XKR5: variants seen among roughly 807,000 people sequenced by gnomAD.
XKR5 encodes the protein XK-related protein 5.
Under a neutral mutation model 40.8 loss-of-function variants are expected in XKR5, and 46 were observed. The ratio of observed to expected loss-of-function variants is 1.13; its 90% CI spans 0.89 to 1.44. The LOEUF (loss-of-function observed/expected upper bound fraction) is 1.44, where lower values mean the gene tolerates loss of function less well. Among genes scored for constraint, XKR5 ranks in the 40% most tolerant of loss-of-function variants. The pLI, the probability that XKR5 is intolerant of heterozygous loss-of-function variation, is 0.00. For missense variants in XKR5, 1,169 were observed against 844.7 expected, an observed-to-expected ratio of 1.38 and a Z score of -4.76; for synonymous variants, 466 against 356.1, an observed-to-expected ratio of 1.31 and a Z score of -3.48.
chr8:6,834,726 G>GAAGAGGGCGGAGACGCTCCTCCCGGCAC (rs1804932173), intron 1 of XKR5, among the ~76,000 whole-genome samples: 1 of 152,144 alleles, frequency 6.6e-6, no homozygotes, highest in African/African-American at 2.4e-5. Context: ...GAGCCCGGCG[G>GAAGAGGGCGGAGACGCTCCTCCCGGCAC]AAGTGGGCGG....
In XKR5 at chr8:6,811,171, T is replaced by A; in HGVS notation, c.*27A>T. The A allele has an allele frequency of 6.6e-7, 1 of 1,511,124 alleles. No homozygotes were observed. Among genetic ancestry groups the A allele is most frequent in the African/African-American group, 1.4e-5 (1 of 72,466 alleles). The allele number at this position is 1,511,124 out of a possible 1,614,324, so 93.6% of individuals were successfully genotyped here. ...AAATGGCCAGCTTGGTTTGTCAGCC[T>A]GTTGTCTTATCCCACCATGACTGTG... On this transcript the variant is annotated 3_prime_UTR_variant, in exon 7 of 7. Transcript: ENST00000618742.
At chr8:6,816,741 A>G (rs970370682) in intron 5 of XKR5, among the ~76,000 whole-genome samples, 1 of 147,556 alleles carries the variant, frequency 6.8e-6, no homozygotes, top group Admixed American at 6.8e-5. Flanking sequence ...ATATTTTAAT[A>G]TATTTAATAT....
chr8:6,817,657 G>A (rs1232309559), intron 5 of XKR5, among the ~76,000 whole-genome samples: 3 of 152,210 alleles, frequency 2.0e-5, no homozygotes, highest in Non-Finnish European at 4.4e-5. Context: ...AAAACTTGGT[G>A]CTGGGTGGAT....
chr8:6,834,822 C>G (rs1473921006), intron 1 of XKR5, among the ~76,000 whole-genome samples: 1 of 151,986 alleles, frequency 6.6e-6, no homozygotes, highest in Non-Finnish European at 1.5e-5. Flanking sequence ...CCGCGGCTGG[C>G]GGGCTCTGGG....
intron 5 of XKR5, among the ~76,000 whole-genome samples, chr8:6,820,166 C>T (rs1329583321): frequency 6.6e-6 from 1 of 152,238 alleles, no homozygotes; most frequent in Non-Finnish European, 1.5e-5. Flanking sequence ...AGGCCTAAAG[C>T]CCATGTTCCC....
chr8:6,828,248 G>A (rs1804609373), intron 2 of XKR5, among the ~76,000 whole-genome samples: 1 of 152,236 alleles, frequency 6.6e-6, no homozygotes. Flanking sequence ...AGGTGGTCAG[G>A]GAATGCTTCC....
At chr8:6,834,588 C>T (rs551077600) in intron 1 of XKR5, among the ~76,000 whole-genome samples, 1 of 152,308 alleles carries the variant, frequency 6.6e-6, no homozygotes, top group East Asian at 1.9e-4. Context: ...GCGTCCTGCT[C>T]GGCGCGCCTC....
chr8:6,817,945 T>A (rs1804037689), intron 5 of XKR5, among the ~76,000 whole-genome samples: 1 of 152,126 alleles, frequency 6.6e-6, no homozygotes, highest in African/African-American at 2.4e-5. Context: ...ACATTTACGA[T>A]CCCACTTTCC....
In XKR5 at chr8:6,832,990, T is replaced by C; in HGVS notation, c.59-90A>G. 6.7e-6 allele frequency: 8 copies of C among 1,194,796 alleles called. No individual in the cohort carries two copies. The South Asian group carries it at 1.4e-4, about 22-fold the overall frequency. 74.0% of individuals were successfully genotyped at this position (1,194,796 alleles called of 1,614,324 possible). A position where few individuals can be genotyped will look rare whatever the true frequency, so the allele number is the denominator to read the frequency against. On this transcript the variant is annotated intron_variant, in intron 1 of 6. Coordinates refer to ENST00000618742, the MANE Select transcript of XKR5 (RefSeq NM_207411.5). ...TTTAAACAACTGAACATTTTCTGGATGTTATGATGTTCTGACCTCTTAAAA... is the reference window on the plus strand; with the variant it reads ...TTTAAACAACTGAACATTTTCTGGACGTTATGATGTTCTGACCTCTTAAAA...
chr8:6,828,949 A>G (rs1054055308), intron 2 of XKR5, among the ~76,000 whole-genome samples: 14 of 152,206 alleles, frequency 9.2e-5, no homozygotes, highest in South Asian at 2.1e-4. Context: ...TTTCCCATAT[A>G]CACCACTTCT....
chr8:6,831,220 G>C (rs1804749073), intron 2 of XKR5, among the ~76,000 whole-genome samples: 1 of 152,164 alleles, frequency 6.6e-6, no homozygotes, highest in African/African-American at 2.4e-5. Context: ...ATGGCAGCTA[G>C]GGCACAGGAG....
At chr8:6,834,992 G>A (rs1014505692) in intron 1 of XKR5, among the ~76,000 whole-genome samples, 4 of 152,184 alleles carry the variant, frequency 2.6e-5, no homozygotes, top group African/African-American at 9.6e-5. Context: ...GGGTCCCCCT[G>A]GACGGCCGGG....
At chr8:6,829,577 G>A (rs1191743327) in intron 2 of XKR5, among the ~76,000 whole-genome samples, 4 of 152,106 alleles carry the variant, frequency 2.6e-5, no homozygotes, top group African/African-American at 4.8e-5. Flanking sequence ...GTGCAGTGGC[G>A]TGATCTCAGC....
intron 3 of XKR5, 85 bp downstream of exon 3, chr8:6,825,080 A>G (rs954449570): frequency 1.8e-5 from 27 of 1,526,228 alleles, no homozygotes; most frequent in Middle Eastern, 1.7e-4. Flanking sequence ...GGAAATCTCG[A>G]AGGGAGGGTT....
At chr8:6,823,801 T>G in intron 3 of XKR5, 71 bp from the exon 4 acceptor site, 1 of 1,314,404 alleles carries the variant, frequency 7.6e-7, no homozygotes, top group Non-Finnish European at 1.1e-6. Flanking sequence ...GAAGATTCAC[T>G]CATGGCATTT....
intron 5 of XKR5, among the ~76,000 whole-genome samples, chr8:6,817,823 G>C (rs1250125409): frequency 6.6e-6 from 1 of 152,160 alleles, no homozygotes; most frequent in Non-Finnish European, 1.5e-5. Context: ...AGCCTGGTGG[G>C]TGCATTGCCC....
At chr8:6,830,284 A>T (rs1804702342) in intron 2 of XKR5, among the ~76,000 whole-genome samples, 1 of 152,192 alleles carries the variant, frequency 6.6e-6, no homozygotes, top group Non-Finnish European at 1.5e-5. Flanking sequence ...GGCTCCCCCT[A>T]CAGGTCCTTT....
chr8:6,826,027 A>G (rs1312287356), intron 2 of XKR5, among the ~76,000 whole-genome samples: 3 of 152,094 alleles, frequency 2.0e-5, no homozygotes, highest in Non-Finnish European at 4.4e-5. Flanking sequence ...GGCAGAGGTA[A>G]TATGTACTGT....
Position 6,815,871 on chromosome 8 carries a change from A to G in XKR5, c.855T>C (p.Phe285=). The part of the protein sequence containing the change: ...NIILLLLATD[F]LQGASWTSLQ... ...GGCTGGTCCACGATGCCCCCTGGAG[A>G]AAGTCGGTGGCCAACAGCAACAGGA... The change falls in exon 6 of 7, where the codon TTT becomes TTC. Residue 285 remains phenylalanine, a synonymous_variant. Transcript: ENST00000618742. The G allele has an allele frequency of 6.2e-7, 1 of 1,605,388 alleles. No individual in the cohort carries two copies. The highest frequency in any genetic ancestry group is 1.3e-5 in the African/African-American group (1 of 74,804).
Sources: gnomAD v4.1 joint callset for allele counts (sites outside exome capture counted in the v4.1 genomes callset) on GRCh38, gnomAD v4.1.1 for gene constraint, MANE v1.5 for transcripts, NCBI Gene and HGNC (gene_info 2026-07-23, HGNC 2026-07-21) for gene names.